The following ODAD2 variants were observed in gnomAD, a reference collection of about 807,000 sequenced individuals.
The protein encoded by ODAD2 is outer dynein arm docking complex subunit 2, also known as outer dynein arm-docking complex subunit 2.
Under a neutral mutation model 106.8 loss-of-function variants are expected in ODAD2, and 89 were observed. The observed-to-expected ratio is 0.83, with a 90% CI of 0.70 to 0.99. The LOEUF is 0.99. Among genes scored for constraint, ODAD2 ranks in the 50% least tolerant of loss-of-function variants. The pLI, the probability that ODAD2 is intolerant of heterozygous loss-of-function variation, is 0.00. For missense variants in ODAD2, 1,168 were observed against 1,238.5 expected, an observed-to-expected ratio of 0.94 and a Z score of 0.85; for synonymous variants, 404 against 436.2, an observed-to-expected ratio of 0.93 and a Z score of 0.92.
At chr10:27,814,538 C>T (rs1468636313) in intron 19 of ODAD2, among the ~76,000 whole-genome samples, 2 of 152,156 alleles carry the variant, frequency 1.3e-5, no homozygotes, top group African/African-American at 4.8e-5. Context: ...ACATCTGGGC[C>T]CTGATTTTTC....
At chr10:27,843,715 C>T (rs547810437) in intron 19 of ODAD2, among the ~76,000 whole-genome samples, 1 of 151,252 alleles carries the variant, frequency 6.6e-6, no homozygotes, top group Non-Finnish European at 1.5e-5. Context: ...TGCAATGAGC[C>T]GAGATCACAC....
chr10:27,849,562 T>A (rs568283675), intron 19 of ODAD2, among the ~76,000 whole-genome samples: 1 of 151,828 alleles, frequency 6.6e-6, no homozygotes, highest in South Asian at 2.1e-4. Flanking sequence ...ATAATAATAA[T>A]AAAGAAGTCA....
At chr10:27,965,912 C>A (rs1342573795) in intron 9 of ODAD2, among the ~76,000 whole-genome samples, 1 of 152,210 alleles carries the variant, frequency 6.6e-6, no homozygotes, top group Non-Finnish European at 1.5e-5. Flanking sequence ...AAGGACTAGT[C>A]CATTTAAGCC....
chr10:27,919,159 T>C (rs1844601104), intron 16 of ODAD2, among the ~76,000 whole-genome samples: 1 of 151,928 alleles, frequency 6.6e-6, no homozygotes, highest in Admixed American at 6.6e-5. Flanking sequence ...TTACAATCAG[T>C]TGAATTTCAA....
At chr10:27,885,750 A>G (rs1390132451) in intron 17 of ODAD2, among the ~76,000 whole-genome samples, 1 of 67,986 alleles carries the variant, frequency 1.5e-5, no homozygotes, top group South Asian at 3.4e-4. Context: ...TGTTATATAT[A>G]ATATATATTT....
intron 16 of ODAD2, among the ~76,000 whole-genome samples, chr10:27,923,992 A>AGAG (rs1844995915): frequency 1.5e-5 from 2 of 133,444 alleles, no homozygotes; most frequent in African/African-American, 6.7e-5. Flanking sequence ...GAAAGAAAGA[A>AGAG]AGAAAGAAAG....
rs79604949 is a variant in ODAD2, at chr10:27,942,052, C to T, written c.1744-1247G>A. 3.0e-3 allele frequency among the ~76,000 whole-genome samples: 460 copies of T among 152,094 alleles called. 5 individuals are homozygous for T. The highest frequency in any genetic ancestry group is 0.011 in the African/African-American group (445 of 41,476). On this transcript the variant is annotated intron_variant, in intron 12 of 19. Coordinates refer to ENST00000305242, the MANE Select transcript of ODAD2 (RefSeq NM_018076.5). The stretch of plus-strand genomic sequence containing the variant: ...GTACTGACTGCAGGTGGGATAGGAA[C>T]GTGGGAAAAATTCTAAGACCGTGGG...
At chr10:27,954,985 T>G (rs1322335587) in intron 10 of ODAD2, among the ~76,000 whole-genome samples, 1 of 152,170 alleles carries the variant, frequency 6.6e-6, no homozygotes, top group Non-Finnish European at 1.5e-5. Context: ...TGTTATGATT[T>G]CAAACAAGCA....
chr10:27,935,169 G>A lies in ODAD2; in HGVS notation c.2336C>T (p.Ala779Val), dbSNP rs1010426754. 1 of 1,613,852 alleles carries A rather than the reference G, an allele frequency of 6.2e-7. No homozygotes were observed. The highest frequency in any genetic ancestry group is 8.5e-7 in the Non-Finnish European group (1 of 1,179,890). The change falls in exon 16 of 20, where the codon GCC (alanine) becomes GTC (valine). Residue 779 changes from alanine (A) to valine (V), a missense_variant. Coordinates refer to ENST00000305242, the MANE Select transcript of ODAD2 (RefSeq NM_018076.5). ...ACGTTCTTGGCAGCATTCTCCCAAG[G>A]CCCCAACCACATTCACAAGTACTTC... ...PEEVLVNVVGALGECCQEREN... is the reference protein window; with the variant it reads ...PEEVLVNVVGVLGECCQEREN...
intron 15 of ODAD2, 124 bp downstream of exon 15, chr10:27,936,602 T>A: frequency 1.8e-6 from 2 of 1,138,490 alleles, no homozygotes; most frequent in Non-Finnish European, 2.6e-6. Context: ...TTGGGCTAAC[T>A]TCATCCAGAA....
At chr10:27,834,636 C>T (rs1361443637) in intron 19 of ODAD2, among the ~76,000 whole-genome samples, 2 of 152,066 alleles carry the variant, frequency 1.3e-5, no homozygotes, top group East Asian at 1.9e-4. Context: ...GGGGGCAGAT[C>T]GTGAAAGGGC....
chr10:27,911,522 G>T (rs1844014317), intron 16 of ODAD2, among the ~76,000 whole-genome samples: 1 of 152,158 alleles, frequency 6.6e-6, no homozygotes, highest in Non-Finnish European at 1.5e-5. Context: ...TGTAATAAAT[G>T]CTGCAATAGA....
chr10:27,937,755 A>T (rs953318083), intron 14 of ODAD2, among the ~76,000 whole-genome samples: 1 of 152,086 alleles, frequency 6.6e-6, no homozygotes. Flanking sequence ...CCATACAGGC[A>T]CCTGCCATGT....
At chr10:27,981,416 A>G (rs754453943) in intron 7 of ODAD2, 50 bp downstream of exon 7, 40 of 1,416,638 alleles carry the variant, frequency 2.8e-5, no homozygotes, top group Non-Finnish European at 3.7e-5. Flanking sequence ...AGAAAGTTGT[A>G]GTTTAGTAAC....
At chr10:27,871,907 T>C (rs11006752) in intron 17 of ODAD2, among the ~76,000 whole-genome samples, 103,971 of 152,016 alleles carry the variant, frequency 0.68, 35,699 homozygotes, top group Middle Eastern at 0.75. Context: ...TCATTGGTAG[T>C]TTCATGGAGA....
intron 17 of ODAD2, among the ~76,000 whole-genome samples, chr10:27,900,138 G>A (rs1023276622): frequency 6.6e-6 from 1 of 152,192 alleles, no homozygotes; most frequent in Non-Finnish European, 1.5e-5. Context: ...AATCTTTGCT[G>A]TTCTGCAGCC....
intron 10 of ODAD2, among the ~76,000 whole-genome samples, chr10:27,949,676 T>C (rs1847191404): frequency 6.6e-6 from 1 of 152,144 alleles, no homozygotes; most frequent in Non-Finnish European, 1.5e-5. Context: ...ATTTTCATCT[T>C]TATTTCAAGA....
chr10:27,940,492 C>A, intron 13 of ODAD2, 71 bp downstream of exon 13: 3 of 1,575,496 alleles, frequency 1.9e-6, no homozygotes, highest in Non-Finnish European at 2.6e-6. Flanking sequence ...ATCATGATAA[C>A]CTTAGAAACA....
intron 19 of ODAD2, among the ~76,000 whole-genome samples, chr10:27,838,654 T>C (rs1838080953): frequency 6.6e-6 from 1 of 152,212 alleles, no homozygotes; most frequent in Non-Finnish European, 1.5e-5. Context: ...CTGCTCTCTA[T>C]AGCATCTGCC....
Sources: allele counts gnomAD v4.1 joint callset (sites outside exome capture counted in the v4.1 genomes callset), GRCh38; gene constraint gnomAD v4.1.1; transcripts MANE v1.5; gene names NCBI Gene and HGNC (gene_info 2026-07-23, HGNC 2026-07-21).